The following GPR176 variants were observed in gnomAD, a reference collection of about 807,000 sequenced individuals.
The protein encoded by GPR176 is G protein-coupled receptor 176, also known as G-protein coupled receptor 176.
A neutral mutation model predicts 35.4 loss-of-function variants in GPR176; 26 were observed. The observed-to-expected ratio is 0.74, with a 90% CI of 0.54 to 1.02. GPR176 has a LOEUF of 1.02. Ranked by LOEUF, GPR176 falls within the 50% of genes least tolerant of loss-of-function variation. The pLI is 0.00. For missense variants in GPR176, 597 were observed against 665.3 expected, an observed-to-expected ratio of 0.90 and a Z score of 1.13; for synonymous variants, 278 against 271.3, an observed-to-expected ratio of 1.02 and a Z score of -0.24.
intron 1 of GPR176, among the ~76,000 whole-genome samples, chr15:39,886,864 T>C (rs1448734540): frequency 1.3e-5 from 2 of 152,228 alleles, no homozygotes; most frequent in Non-Finnish European, 2.9e-5. Flanking sequence ...TACCAGATTG[T>C]GTGGGTATCC....
At chr15:39,865,196 T>C (rs1373982304) in intron 1 of GPR176, among the ~76,000 whole-genome samples, 1 of 152,122 alleles carries the variant, frequency 6.6e-6, no homozygotes, top group African/African-American at 2.4e-5. Context: ...ATCCCCCTAC[T>C]AGGTATCTAC....
chr15:39,913,935 G>A (rs1252243056), intron 1 of GPR176, among the ~76,000 whole-genome samples: 10 of 151,972 alleles, frequency 6.6e-5, no homozygotes, highest in East Asian at 1.9e-4. Context: ...AGTCCCAGCT[G>A]CTCGGGAGGC....
chr15:39,863,652 C>A (rs1312739269), intron 1 of GPR176, among the ~76,000 whole-genome samples: 4 of 152,178 alleles, frequency 2.6e-5, no homozygotes, highest in African/African-American at 9.7e-5. Context: ...CACTCACCAA[C>A]TCACACAGAG....
chr15:39,889,251 ATAAAT>A (rs1462613060), intron 1 of GPR176, among the ~76,000 whole-genome samples: 1 of 152,176 alleles, frequency 6.6e-6, no homozygotes, highest in Non-Finnish European at 1.5e-5. Context: ...CCTTCATTTA[ATAAAT>A]TAAAGTATTG....
At chr15:39,919,587 T>C (rs2033819385) in intron 1 of GPR176, among the ~76,000 whole-genome samples, 1 of 152,162 alleles carries the variant, frequency 6.6e-6, no homozygotes, top group Admixed American at 6.5e-5. Flanking sequence ...GCCGGGGCCA[T>C]CTGAGGAGGG....
At chr15:39,817,068 C>CAAAAAAA (rs58812005) in intron 1 of GPR176, among the ~76,000 whole-genome samples, 1 of 77,306 alleles carries the variant, frequency 1.3e-5, no homozygotes, top group African/African-American at 5.8e-5. Flanking sequence ...GATTCTGTCT[C>CAAAAAAA]AAAAAAAAAA....
rs76688313 is a variant in GPR176 at position 39,852,468 on chromosome 15, T to C, written c.173-45210A>G. Among the ~76,000 whole-genome samples, 1,453 of 152,284 alleles carry C rather than the reference T, an allele frequency of 9.5e-3. 23 individuals are homozygous for C. Among genetic ancestry groups the C allele is most frequent in the African/African-American group, 0.034 (1,407 of 41,546 alleles). On this transcript the variant is annotated intron_variant, in intron 1 of 2. Coordinates refer to ENST00000561100, the MANE Select transcript of GPR176 (RefSeq NM_007223.3). The stretch of plus-strand genomic sequence containing the variant: ...TAATCCTTACACAAGAGCTAAGATT[T>C]TGCAAAACAATCTGAAAACGAGTCT...
At chr15:39,882,795 C>T (rs149986809) in intron 1 of GPR176, among the ~76,000 whole-genome samples, 12 of 152,302 alleles carry the variant, frequency 7.9e-5, no homozygotes, top group South Asian at 4.2e-4. Context: ...GGGCATTAGA[C>T]TGATTGTTCC....
At chr15:39,871,668 TG>T (rs2032047814) in intron 1 of GPR176, among the ~76,000 whole-genome samples, 1 of 152,218 alleles carries the variant, frequency 6.6e-6, no homozygotes, top group African/African-American at 2.4e-5. Flanking sequence ...CACCGCTGTA[TG>T]GCTAAAAGCT....
intron 1 of GPR176, among the ~76,000 whole-genome samples, chr15:39,834,431 A>C (rs1451413020): frequency 2.0e-5 from 3 of 152,192 alleles, no homozygotes; most frequent in African/African-American, 7.2e-5. Flanking sequence ...TTTAAGGATG[A>C]GCAAGCCCTA....
intron 1 of GPR176, chr15:39,814,940 GTCA>G (rs1899798850): frequency 6.6e-6 from 1 of 152,152 alleles, no homozygotes; most frequent in South Asian, 2.1e-4. Flanking sequence ...GTGCTTCAGT[GTCA>G]TCATCTATAA....
At chr15:39,858,272 C>A (rs557396308) in intron 1 of GPR176, among the ~76,000 whole-genome samples, 1 of 152,160 alleles carries the variant, frequency 6.6e-6, no homozygotes, top group African/African-American at 2.4e-5. Flanking sequence ...TCCAATATTG[C>A]ACCAAGCATA....
At chr15:39,890,346 C>T (rs1210763458) in intron 1 of GPR176, among the ~76,000 whole-genome samples, 1 of 152,152 alleles carries the variant, frequency 6.6e-6, no homozygotes, top group Non-Finnish European at 1.5e-5. Context: ...GAAGAGATTG[C>T]ACTGAAAACT....
intron 1 of GPR176, among the ~76,000 whole-genome samples, chr15:39,859,972 C>A (rs2031487895): frequency 3.8e-5 from 5 of 130,944 alleles, no homozygotes; most frequent in South Asian, 2.6e-4. Context: ...TTTTTTTTGC[C>A]ACAATAAAAA....
chr15:39,861,761 G>T (rs2031602323), intron 1 of GPR176, among the ~76,000 whole-genome samples: 1 of 152,192 alleles, frequency 6.6e-6, no homozygotes, highest in Non-Finnish European at 1.5e-5. Context: ...GCCAGCTGGA[G>T]AGTTGCTAGT....
intron 1 of GPR176, among the ~76,000 whole-genome samples, chr15:39,872,911 CTGTGTGTGTGTGTGTGTGTG>C (rs6145533): frequency 0.054 from 7,665 of 141,450 alleles, 249 homozygotes; most frequent in South Asian, 0.13. Context: ...TCCAAAATAT[CTGTGTGTGTGTGTGTGTGTG>C]TGTGTGTGTG....
intron 1 of GPR176, among the ~76,000 whole-genome samples, chr15:39,821,112 C>A (rs1181287807): frequency 2.6e-5 from 4 of 152,158 alleles, no homozygotes; most frequent in Non-Finnish European, 5.9e-5. Context: ...GTTTCCAATT[C>A]CTGCATTTTT....
chr15:39,916,612 G>C (rs1439726384), intron 1 of GPR176, among the ~76,000 whole-genome samples: 1 of 152,060 alleles, frequency 6.6e-6, no homozygotes, highest in African/African-American at 2.4e-5. Flanking sequence ...TAAAAAAGAA[G>C]TCTATTTAGA....
At chr15:39,804,569 T>A (rs1227512816) in intron 2 of GPR176, among the ~76,000 whole-genome samples, 1 of 151,658 alleles carries the variant, frequency 6.6e-6, no homozygotes, top group South Asian at 2.1e-4. Context: ...CTTCCAGGTA[T>A]AACAGCAAAC....
Sources: allele counts gnomAD v4.1 joint callset (sites outside exome capture counted in the v4.1 genomes callset), GRCh38; gene constraint gnomAD v4.1.1; transcripts MANE v1.5; gene names NCBI Gene and HGNC (gene_info 2026-07-23, HGNC 2026-07-21).